The following EGFLAM variants were observed in gnomAD, a reference collection of about 807,000 sequenced individuals.
EGFLAM encodes pikachurin.
EGFLAM carries 79 observed loss-of-function variants against 113.1 expected under a neutral mutation model. That is an observed-to-expected ratio of 0.70 (90% CI 0.58 to 0.84). The LOEUF (loss-of-function observed/expected upper bound fraction) is 0.84. EGFLAM is among the 40% of genes least tolerant of loss of function. The pLI, the probability that EGFLAM is intolerant of heterozygous loss-of-function variation, is 0.00. For synonymous variants in EGFLAM, 504 were observed against 487.6 expected, an observed-to-expected ratio of 1.03 and a Z score of -0.44; for missense variants, 1,265 against 1,291.6, an observed-to-expected ratio of 0.98 and a Z score of 0.32.
intron 6 of EGFLAM, among the ~76,000 whole-genome samples, chr5:38,381,730 C>G (rs576643091): frequency 2.6e-4 from 40 of 152,262 alleles, no homozygotes; most frequent in African/African-American, 9.6e-4. Flanking sequence ...CCTCTCTCTT[C>G]TTTCTTGTTG....
At chr5:38,308,197 C>T (rs1045274613) in intron 1 of EGFLAM, among the ~76,000 whole-genome samples, 13 of 152,250 alleles carry the variant, frequency 8.5e-5, no homozygotes, top group African/African-American at 3.1e-4. Flanking sequence ...CTTTACTACA[C>T]CAAAGTGGCA....
At chr5:38,324,475 G>C (rs1023343694) in intron 1 of EGFLAM, among the ~76,000 whole-genome samples, 1 of 152,108 alleles carries the variant, frequency 6.6e-6, no homozygotes, top group African/African-American at 2.4e-5. Context: ...GTCCTGCCCT[G>C]CCCTCAAGGA....
At chr5:38,409,730 C>T (rs1741414733) in intron 10 of EGFLAM, among the ~76,000 whole-genome samples, 1 of 152,140 alleles carries the variant, frequency 6.6e-6, no homozygotes, top group Non-Finnish European at 1.5e-5. Context: ...AGAGGAGCCT[C>T]CAACCTCCTA....
At chr5:38,328,409 T>C (rs1738944742) in intron 1 of EGFLAM, among the ~76,000 whole-genome samples, 1 of 152,232 alleles carries the variant, frequency 6.6e-6, no homozygotes, top group African/African-American at 2.4e-5. Flanking sequence ...AGTAGCCTTC[T>C]CTTCTTTTAA....
In EGFLAM at chr5:38,375,536, C is replaced by T. The variant is rs182812437; in HGVS notation, c.712+5074C>T. On this transcript the variant is annotated intron_variant, in intron 6 of 21. Coordinates refer to ENST00000322350, the MANE Select transcript of EGFLAM (RefSeq NM_152403.4). ...GGCCACTCCCTGGGGTCCTCTGTGG[C>T]CTGTTTATCTTAGGGCTAAACTCTT... Among the ~76,000 whole-genome samples, 414 of 152,332 alleles carry T rather than the reference C, an allele frequency of 2.7e-3. 3 individuals are homozygous for T. Among genetic ancestry groups the T allele is most frequent in the Non-Finnish European group, 3.4e-3 (228 of 68,020 alleles).
In EGFLAM at chr5:38,446,451, C is replaced by T. The variant is rs534371787; in HGVS notation, c.2465-1850C>T. On this transcript the variant is annotated intron_variant, in intron 17 of 21. Coordinates refer to ENST00000322350, the MANE Select transcript of EGFLAM (RefSeq NM_152403.4). The stretch of plus-strand genomic sequence containing the variant: ...CATTCATGCCACCCGTTTTCCTACT[C>T]GGCTCCTTTCCCGTCCTCTTGCCAT... 1.5e-4 allele frequency among the ~76,000 whole-genome samples: 23 copies of T among 152,184 alleles called. No homozygotes were observed. The South Asian group carries it at 4.6e-3, about 30-fold the overall frequency.
At chr5:38,351,290 G>A (rs1433177869) in intron 4 of EGFLAM, among the ~76,000 whole-genome samples, 1 of 152,006 alleles carries the variant, frequency 6.6e-6, no homozygotes, top group Admixed American at 6.6e-5. Flanking sequence ...TGCATTTTTA[G>A]TAGAGATGGG....
At chr5:38,352,165 C>A (rs375779784) in intron 4 of EGFLAM, 31 bp from the exon 5 acceptor site, 24 of 1,613,520 alleles carry the variant, frequency 1.5e-5, no homozygotes, top group Non-Finnish European at 1.9e-5. Context: ...GACCACCAGC[C>A]TAGTCTAGTT....
intron 6 of EGFLAM, among the ~76,000 whole-genome samples, chr5:38,371,998 C>G (rs553135571): frequency 2.2e-4 from 34 of 152,278 alleles, no homozygotes; most frequent in Middle Eastern, 3.4e-3. Flanking sequence ...TCACCTCTTT[C>G]AGTCTGTCCC....
At chr5:38,326,720 C>T (rs2111910895) in intron 1 of EGFLAM, among the ~76,000 whole-genome samples, 1 of 151,930 alleles carries the variant, frequency 6.6e-6, no homozygotes, top group Middle Eastern at 3.4e-3. Context: ...TCTCGATCTC[C>T]TGACCTCCTG....
chr5:38,447,425 C>G (rs184118764), intron 17 of EGFLAM, among the ~76,000 whole-genome samples: 3 of 152,294 alleles, frequency 2.0e-5, no homozygotes, highest in East Asian at 3.9e-4. Flanking sequence ...TCCCTTCCCC[C>G]ATACTACCTG....
chr5:38,432,000 C>A (rs1742204409), intron 15 of EGFLAM, among the ~76,000 whole-genome samples: 1 of 152,158 alleles, frequency 6.6e-6, no homozygotes, highest in Admixed American at 6.5e-5. Context: ...TAACTTTCCT[C>A]CATGATTTTA....
chr5:38,406,793 G>T (rs1741299970), intron 7 of EGFLAM, 35 bp from the exon 8 acceptor site: 1 of 1,588,236 alleles, frequency 6.3e-7, no homozygotes, highest in Admixed American at 1.7e-5. Flanking sequence ...CATGCTCTGT[G>T]TTCATCTTGA....
rs767226792 is a variant in EGFLAM, at chr5:38,445,739, G to T, written c.2465-2562G>T. On this transcript the variant is annotated intron_variant, in intron 17 of 21. Transcript: ENST00000322350. ...AAGTCCTGTGAGAAACTGCGAGAGC[G>T]CTCTGGGCTGGGGCAGGCCAACCGC... is the stretch of plus-strand genomic sequence containing the variant. 4 of 1,594,988 alleles carry T rather than the reference G, an allele frequency of 2.5e-6. No individual in the cohort carries two copies. The South Asian group carries it at 3.3e-5, about 13-fold the overall frequency.
intron 1 of EGFLAM, among the ~76,000 whole-genome samples, chr5:38,289,692 G>A (rs1456252862): frequency 2.6e-5 from 4 of 152,168 alleles, no homozygotes; most frequent in East Asian, 1.9e-4. Flanking sequence ...GGCTTGGAAC[G>A]CATGGAGAAA....
At chr5:38,418,464 A>G (rs1307127499) in intron 12 of EGFLAM, among the ~76,000 whole-genome samples, 1 of 152,170 alleles carries the variant, frequency 6.6e-6, no homozygotes, top group Non-Finnish European at 1.5e-5. Context: ...ACACCAAGAT[A>G]TGGTAACAGT....
chr5:38,451,427 T>G lies in EGFLAM; in HGVS notation c.2656T>G (p.Leu886Val). 1 of 1,614,246 alleles carries G rather than the reference T, an allele frequency of 6.2e-7. No homozygotes were observed. Among genetic ancestry groups the G allele is most frequent in the Non-Finnish European group, 8.5e-7 (1 of 1,180,046 alleles). ...PMRPNSDFIS[L>V]GLRDGALVFS... ...GAGACCCAACAGCGACTTCATTTCC[T>G]TGGGCCTTCGGGATGGAGCCCTCGT... The change falls in exon 19 of 22, where the codon TTG (leucine) becomes GTG (valine). Residue 886 changes from leucine (L) to valine (V), a missense_variant. Coordinates refer to ENST00000322350, the MANE Select transcript of EGFLAM (RefSeq NM_152403.4).
chr5:38,265,279 G>A (rs149003033), intron 1 of EGFLAM, among the ~76,000 whole-genome samples: 5 of 152,300 alleles, frequency 3.3e-5, no homozygotes, highest in Middle Eastern at 3.4e-3. Context: ...ATTTCTGGAA[G>A]ACTGAGACTC....
intron 1 of EGFLAM, among the ~76,000 whole-genome samples, chr5:38,265,567 A>C (rs988182332): frequency 4.6e-5 from 7 of 152,180 alleles, no homozygotes; most frequent in Admixed American, 2.0e-4. Flanking sequence ...CTTTAGAGGA[A>C]ATCCCCCAAA....
Sources: gnomAD v4.1 joint callset for allele counts (sites outside exome capture counted in the v4.1 genomes callset) on GRCh38, gnomAD v4.1.1 for gene constraint, MANE v1.5 for transcripts, NCBI Gene and HGNC (gene_info 2026-07-23, HGNC 2026-07-21) for gene names.